The following RPAP1 variants were observed in gnomAD, a reference collection of about 807,000 sequenced individuals.
RPAP1 encodes the protein RNA polymerase II-associated protein 1.
In RPAP1, 109 loss-of-function variants were observed where a neutral mutation model predicts 142.4. The observed-to-expected ratio is 0.77, with a 90% CI of 0.66 to 0.90. RPAP1 has a LOEUF of 0.90. Among genes scored for constraint, RPAP1 ranks in the 40% least tolerant of loss-of-function variants. RPAP1 has a pLI of 0.00. For synonymous variants in RPAP1, 704 were observed against 738.9 expected (o/e 0.95, Z 0.77); for missense variants, 1,546 against 1,751.7 (o/e 0.88, Z 2.10).
In RPAP1 at chr15:41,523,888, C is replaced by A. The variant is rs757882320; in HGVS notation, c.2319G>T (p.Pro773=). The change falls in exon 17 of 25, where the codon CCG becomes CCT. Residue 773 remains proline, a synonymous_variant. Transcript: ENST00000304330. Reference sequence around the variant, plus strand: ...GCAACTTCAAGGTCTGCCTTAGACACGGCTCAACAAGAGGCTGGAGCCCAG... The same window carrying A: ...GCAACTTCAAGGTCTGCCTTAGACAAGGCTCAACAAGAGGCTGGAGCCCAG... ...QVSGLQPLVE[P]CLRQTLKLLS... 2.5e-6 allele frequency: 4 copies of A among 1,607,862 alleles called. No individual in the cohort carries two copies. Among genetic ancestry groups the A allele is most frequent in the Non-Finnish European group, 3.4e-6 (4 of 1,176,978 alleles).
chr15:41,544,017 A>C (rs1337596728), intron 1 of RPAP1: 2 of 152,044 alleles, frequency 1.3e-5, no homozygotes, highest in African/African-American at 2.4e-5. Flanking sequence ...GGACCACCCA[A>C]CTCTACAATG....
At chr15:41,521,672 C>A in intron 21 of RPAP1, 66 bp downstream of exon 21, 1 of 1,565,548 alleles carries the variant, frequency 6.4e-7, no homozygotes, top group South Asian at 1.2e-5. Context: ...AAATTCAGGG[C>A]TGCTCTGTTA....
intron 6 of RPAP1, among the ~76,000 whole-genome samples, chr15:41,532,965 C>T (rs1332817121): frequency 9.8e-5 from 10 of 101,756 alleles, no homozygotes; most frequent in Admixed American, 9.2e-4. Flanking sequence ...GACAACAGAG[C>T]GAGACTCCGT....
Position 41,535,492 on chromosome 15 carries a change from C to A in RPAP1, c.541+20G>T. 1.3e-6 allele frequency: 2 copies of A among 1,588,384 alleles called. No individual in the cohort carries two copies. Among genetic ancestry groups the A allele is most frequent in the South Asian group, 1.2e-5 (1 of 86,674 alleles). On this transcript the variant is annotated intron_variant, in intron 5 of 24. Transcript: ENST00000304330. Reference sequence around the variant, plus strand: ...GTCTTTTAAAAAGGCCAAGCCCAATCCTCTTCAACCCCGGCTCACCCTCTG... The same window carrying A: ...GTCTTTTAAAAAGGCCAAGCCCAATACTCTTCAACCCCGGCTCACCCTCTG...
Position 41,524,245 on chromosome 15 carries a change from G to A in RPAP1, c.2085C>T (p.Tyr695=). 1 of 1,527,888 alleles carries A rather than the reference G, an allele frequency of 6.5e-7. No homozygotes were observed. The highest frequency in any genetic ancestry group is 8.8e-7 in the Non-Finnish European group (1 of 1,138,452). The allele number at this position is 1,527,888 out of a possible 1,614,324, so 94.6% of individuals were successfully genotyped here. A position where few individuals can be genotyped will look rare whatever the true frequency, so the allele number is the denominator to read the frequency against. Reference sequence around the variant, plus strand: ...CCTGCAAGGCCCGCATCAGCACTGGGTAGAGCTCCCTAGGGAAGAACAGGG... The same window carrying A: ...CCTGCAAGGCCCGCATCAGCACTGGATAGAGCTCCCTAGGGAAGAACAGGG... ...GQGGYLYREL[Y]PVLMRALQVV... is the part of the protein sequence containing the mutation. Residue 695 remains tyrosine, a synonymous_variant, in exon 16 of 25, where the codon TAC becomes TAT. Coordinates refer to ENST00000304330, the MANE Select transcript of RPAP1 (RefSeq NM_015540.4).
chr15:41,531,614 T>C (rs867833916), intron 6 of RPAP1, among the ~76,000 whole-genome samples: 2,302 of 27,530 alleles, frequency 0.084, 56 homozygotes, highest in African/African-American at 0.21. Flanking sequence ...TATATATATA[T>C]ATATATATAT....
intron 16 of RPAP1, 22 bp from the exon 17 acceptor site, chr15:41,523,994 C>T (rs2051761475): frequency 6.2e-7 from 1 of 1,613,172 alleles, no homozygotes; most frequent in East Asian, 2.2e-5. Context: ...CCAAAGGGTG[C>T]CACAGTGAGG....
intron 22 of RPAP1, chr15:41,518,432 C>A: frequency 2.9e-6 from 1 of 350,680 alleles, no homozygotes; most frequent in Middle Eastern, 7.5e-4. Context: ...CCTGTAATCT[C>A]AGCACTTGGG....
At chr15:41,536,905 AC>A in intron 2 of RPAP1, 39 bp downstream of exon 2, 1 of 1,597,294 alleles carries the variant, frequency 6.3e-7, no homozygotes, top group Non-Finnish European at 8.6e-7. Flanking sequence ...CCGAGGCTGT[AC>A]CCTCTCTACT....
At position 41,517,692 on chromosome 15, in the gene RPAP1, C is replaced by G. The variant is rs777763233; in HGVS notation, c.4033-1G>C. On this transcript the variant is annotated splice_acceptor_variant, in intron 24 of 24. Transcript: ENST00000304330. LOFTEE classifies it high-confidence loss of function. ...AGTGCAGGAGGTGCTGCCGGAGACCCTGCAGAAAGGAAAGAAAACTTATGA... is the reference window on the plus strand; with the variant it reads ...AGTGCAGGAGGTGCTGCCGGAGACCGTGCAGAAAGGAAAGAAAACTTATGA... The G allele has an allele frequency of 3.1e-6, 5 of 1,612,284 alleles. No homozygotes were observed. In the African/African-American group the frequency reaches 5.3e-5, roughly 17 times the overall value.
intron 7 of RPAP1, among the ~76,000 whole-genome samples, chr15:41,530,299 A>T (rs1388377583): frequency 6.6e-6 from 1 of 152,152 alleles, no homozygotes; most frequent in Non-Finnish European, 1.5e-5. Context: ...AGGACCACAT[A>T]TGTCAGGAAG....
rs1261523395 is a variant in RPAP1 at position 41,523,343 on chromosome 15, G to C, written c.2448C>G (p.Cys816Trp). ...GCATGTCCTGGAGCCAATCCTCCGGGCATGAGCTTGGCTGGTGGACCAAGG... is the reference window on the plus strand; with the variant it reads ...GCATGTCCTGGAGCCAATCCTCCGGCCATGAGCTTGGCTGGTGGACCAAGG... ...YQAWSQQPSSCPEDWLQDMQR... is the reference protein window; with the variant it reads ...YQAWSQQPSSWPEDWLQDMQR... Residue 816 changes from cysteine (C) to tryptophan (W), a missense_variant, in exon 18 of 25, where the codon TGC (cysteine) becomes TGG (tryptophan). By Grantham distance (215) the Cys-to-Trp change is radical. Transcript: ENST00000304330. 6.2e-7 allele frequency: 1 copy of C among 1,602,230 alleles called. No homozygotes were observed. The highest frequency in any genetic ancestry group is 1.1e-5 in the South Asian group (1 of 89,452).
chr15:41,528,578 C>G (rs926516371), intron 9 of RPAP1, among the ~76,000 whole-genome samples: 4 of 151,960 alleles, frequency 2.6e-5, no homozygotes, highest in African/African-American at 9.7e-5. Flanking sequence ...GAGAAGGGAA[C>G]CTGGAAAATT....
At chr15:41,535,690 A>G in intron 4 of RPAP1, 58 bp from the exon 5 acceptor site, 1 of 1,583,318 alleles carries the variant, frequency 6.3e-7, no homozygotes, top group Non-Finnish European at 8.6e-7. Context: ...TTTCCTCTCA[A>G]CCTCTTTATA....
In RPAP1 at chr15:41,522,903, G is replaced by T. The variant is rs150273751; in HGVS notation, c.2604C>A (p.Pro868=). 1.9e-3 allele frequency: 3,003 copies of T among 1,567,548 alleles called. 7 individuals carry two copies. Among genetic ancestry groups the T allele is most frequent in the Middle Eastern group, 2.7e-3 (15 of 5,498 alleles). Residue 868 remains proline, a synonymous_variant, in exon 19 of 25, where the codon CCC becomes CCA. Coordinates refer to ENST00000304330, the MANE Select transcript of RPAP1 (RefSeq NM_015540.4). ...CCGAGCAGCCCAGTGACACGAGGCT[G>T]GGGGGAGCTTCAAGGGCTGGCACAC... ...LSCVPALEAP[P]SLVSLGCSGG...
rs771295519 is a variant in RPAP1 at position 41,523,831 on chromosome 15, G to A, written c.2376C>T (p.Gly792=). ...ACAACAGGCAGGCAACGGGCACTGG[G>A]CCCACGGCTCTCCACATCTCAGGTC... ...LSRPEMWRAV[G]PVPVACLLFL... The change falls in exon 17 of 25, where the codon GGC becomes GGT. Residue 792 remains glycine (G), a synonymous_variant. Transcript: ENST00000304330. 9.9e-6 allele frequency: 16 copies of A among 1,609,418 alleles called. No homozygotes were observed. The Admixed American group carries it at 1.5e-4, about 15-fold the overall frequency.
intron 22 of RPAP1, among the ~76,000 whole-genome samples, chr15:41,519,205 C>G (rs1481633118): frequency 6.6e-6 from 1 of 150,732 alleles, no homozygotes; most frequent in African/African-American, 2.4e-5. Context: ...CACAGTAACT[C>G]TTTTTTATTT....
intron 1 of RPAP1, among the ~76,000 whole-genome samples, chr15:41,539,571 C>T (rs2051950117): frequency 6.6e-6 from 1 of 151,166 alleles, no homozygotes; most frequent in Non-Finnish European, 1.5e-5. Flanking sequence ...GCTGGGATTA[C>T]AGGCGTGAGC....
chr15:41,525,206 T>G lies in RPAP1; in HGVS notation c.1918-58A>C, dbSNP rs752241762. 2.7e-6 allele frequency: 4 copies of G among 1,488,342 alleles called. No individual in the cohort carries two copies. The South Asian group carries it at 5.2e-5, about 20-fold the overall frequency. 92.2% of individuals were successfully genotyped at this position (1,488,342 alleles called of 1,614,324 possible). A position where few individuals can be genotyped will look rare whatever the true frequency, so the allele number is the denominator to read the frequency against. ...AGCTGTGAGTCTCAAGTCCAGCTAC[T>G]CTCAGCTGGACAGAGAGTGGCTTAA... is the stretch of plus-strand genomic sequence containing the variant. On this transcript the variant is annotated intron_variant, in intron 14 of 24. Coordinates refer to ENST00000304330, the MANE Select transcript of RPAP1 (RefSeq NM_015540.4).
Sources: gnomAD v4.1 joint callset for allele counts (sites outside exome capture counted in the v4.1 genomes callset) on GRCh38, gnomAD v4.1.1 for gene constraint, MANE v1.5 for transcripts, NCBI Gene and HGNC (gene_info 2026-07-23, HGNC 2026-07-21) for gene names.